Variants in PCDHGA4 observed in about 807,000 individuals in gnomAD.
PCDHGA4 encodes protocadherin gamma subfamily A, 4.
In PCDHGA4, 38 loss-of-function variants were observed where a neutral mutation model predicts 54.6. The ratio of observed to expected loss-of-function variants is 0.70; its 90% CI spans 0.54 to 0.91. The LOEUF is 0.91. PCDHGA4 is among the 40% of genes least tolerant of loss of function. The pLI, the probability that PCDHGA4 is intolerant of heterozygous loss-of-function variation, is 0.00. For missense variants in PCDHGA4, 1,298 were observed against 1,220.9 expected (o/e 1.06, Z -0.94); for synonymous variants, 511 against 512.9 (o/e 1.00, Z 0.05).
chr5:141,425,207 G>A lies in PCDHGA4; in HGVS notation c.2514+67586G>A, dbSNP rs546494803. 1.8e-3 allele frequency among the ~76,000 whole-genome samples: 281 copies of A among 152,238 alleles called. 1 individual carries two copies. The highest frequency in any genetic ancestry group is 6.6e-3 in the African/African-American group (274 of 41,534). ...TCCAAACTGAGAAAAATGATGTAAG[G>A]CATTGTACTTTGACTGGAATTAGTT... On this transcript the variant is annotated intron_variant, in intron 1 of 3. Coordinates refer to ENST00000571252, the MANE Select transcript of PCDHGA4 (RefSeq NM_018917.4).
At chr5:141,427,164 C>T (rs1171285271) in intron 1 of PCDHGA4, 1 of 456,682 alleles carries the variant, frequency 2.2e-6, no homozygotes, top group Non-Finnish European at 4.4e-6. Context: ...TGTGCTAGAC[C>T]ATCAAAATGG....
At chr5:141,366,283 G>A (rs1283624984) in intron 1 of PCDHGA4, 10 of 1,613,592 alleles carry the variant, frequency 6.2e-6, no homozygotes, top group Non-Finnish European at 8.5e-6. Context: ...ACCATGGCCA[G>A]CCCCCTCTGT....
chr5:141,384,134 G>T, intron 1 of PCDHGA4: 2 of 1,611,964 alleles, frequency 1.2e-6, no homozygotes, highest in South Asian at 2.2e-5. Context: ...AACTTGGACC[G>T]GGAAACACTC....
At chr5:141,371,550 C>T in intron 1 of PCDHGA4, 1 of 1,613,828 alleles carries the variant, frequency 6.2e-7, no homozygotes, top group South Asian at 1.1e-5. Context: ...CCTATGCCAA[C>T]TAAAAGGAAA....
At position 141,383,035 on chromosome 5, in the gene PCDHGA4, G is replaced by A. The variant is rs550075608; in HGVS notation, c.2514+25414G>A. ...GGAGACGGACAAAGGGTCCTTTGTG[G>A]GAGACATCGCCAAGGACCTGGGGCT... On this transcript the variant is annotated intron_variant, in intron 1 of 3. Coordinates refer to ENST00000571252, the MANE Select transcript of PCDHGA4 (RefSeq NM_018917.4). 3.1e-6 allele frequency: 5 copies of A among 1,613,882 alleles called. No individual in the cohort carries two copies. In the South Asian group the frequency reaches 5.5e-5, roughly 18 times the overall value.
intron 1 of PCDHGA4, chr5:141,387,734 T>C: frequency 7.7e-7 from 1 of 1,302,214 alleles, no homozygotes; most frequent in East Asian, 2.5e-5. Context: ...GCGCCAGCCT[T>C]TACACCGCTT....
chr5:141,372,268 A>T (rs374647960), intron 1 of PCDHGA4: 26 of 1,613,010 alleles, frequency 1.6e-5, no homozygotes, highest in Non-Finnish European at 1.9e-5. Flanking sequence ...CGCACGGGTG[A>T]GGTGCGCACG....
chr5:141,406,331 C>T lies in PCDHGA4; in HGVS notation c.2514+48710C>T, dbSNP rs577134835. 6.6e-5 allele frequency among the ~76,000 whole-genome samples: 10 copies of T among 152,002 alleles called. No homozygotes were observed. In the East Asian group the frequency reaches 1.3e-3, roughly 21 times the overall value. ...CTCACCCAGCAAATTCTTACTCCTA[C>T]GATCATTTATTCAGGTCATACTATG... On this transcript the variant is annotated intron_variant, in intron 1 of 3. Coordinates refer to ENST00000571252, the MANE Select transcript of PCDHGA4 (RefSeq NM_018917.4).
At chr5:141,395,205 C>T (rs770683946) in intron 1 of PCDHGA4, 2 of 1,613,660 alleles carry the variant, frequency 1.2e-6, no homozygotes, top group Non-Finnish European at 1.7e-6. Flanking sequence ...CGTAGATTTT[C>T]ATGAATATAA....
chr5:141,382,125 G>GC (rs1470370841), intron 1 of PCDHGA4, among the ~76,000 whole-genome samples: 4 of 151,872 alleles, frequency 2.6e-5, no homozygotes, highest in Non-Finnish European at 5.9e-5. Flanking sequence ...ACAGCACCTG[G>GC]CCCCCCCTCT....
At chr5:141,382,989 T>C (rs1377336206) in intron 1 of PCDHGA4, 5 of 1,613,356 alleles carry the variant, frequency 3.1e-6, no homozygotes, top group East Asian at 2.2e-5. Context: ...GGGCAGGACG[T>C]ATTCTCTACT....
chr5:141,393,724 C>T (rs959974182), intron 1 of PCDHGA4: 1 of 1,613,570 alleles, frequency 6.2e-7, no homozygotes, highest in Non-Finnish European at 8.5e-7. Context: ...ATATCAATAG[C>T]AAAAAGTCTA....
chr5:141,375,791 G>C (rs374657173), intron 1 of PCDHGA4: 1 of 1,614,232 alleles, frequency 6.2e-7, no homozygotes, highest in Non-Finnish European at 8.5e-7. Flanking sequence ...CCTCCCCACA[G>C]ACGGTTCCAC....
chr5:141,384,021 A>G (rs1779689462), intron 1 of PCDHGA4: 1 of 1,613,720 alleles, frequency 6.2e-7, no homozygotes, highest in African/African-American at 1.3e-5. Context: ...TACAAGACAG[A>G]GATTCTGGAA....
chr5:141,488,450 C>T (rs2154581002), intron 1 of PCDHGA4, among the ~76,000 whole-genome samples: 1 of 152,314 alleles, frequency 6.6e-6, no homozygotes, highest in East Asian at 1.9e-4. Context: ...TCCTGGGTGA[C>T]CTGATTCAGC....
At chr5:141,417,740 C>A (rs2096156298) in intron 1 of PCDHGA4, 3 of 1,413,210 alleles carry the variant, frequency 2.1e-6, no homozygotes, top group East Asian at 2.5e-5. Flanking sequence ...CCCAGCACAC[C>A]AGATTGCCAG....
chr5:141,438,621 TATATATATATATATACACACAC>T (rs2098027070), intron 1 of PCDHGA4, among the ~76,000 whole-genome samples: 1 of 41,368 alleles, frequency 2.4e-5, no homozygotes, highest in Non-Finnish European at 4.0e-5. Flanking sequence ...TATATATATA[TATATATATATATATACACACAC>T]ACACACACAT....
chr5:141,355,198 G>A lies in PCDHGA4; in HGVS notation c.91G>A (p.Val31Ile), dbSNP rs748031143. 1.3e-6 allele frequency: 2 copies of A among 1,596,582 alleles called. No homozygotes were observed. Among genetic ancestry groups the A allele is most frequent in the East Asian group, 2.2e-5 (1 of 44,678 alleles). Residue 31 changes from valine to isoleucine, a missense_variant, in exon 1 of 4, where the codon GTA (valine) becomes ATA (isoleucine). Physicochemically the swap from Val to Ile is conservative, Grantham distance 29. Coordinates refer to ENST00000571252, the MANE Select transcript of PCDHGA4 (RefSeq NM_018917.4). ...PKHRRLRGGV[V>I]MAAPPARPDH... ...GCACAGGCGACTCCGCGGCGGGGTT[G>A]TAATGGCGGCGCCTCCTGCTCGCCC...
At chr5:141,413,729 G>C (rs2095671676) in intron 1 of PCDHGA4, 1 of 1,613,378 alleles carries the variant, frequency 6.2e-7, no homozygotes, top group Non-Finnish European at 8.5e-7. Flanking sequence ...TTCTCCCTAA[G>C]AGTTCAGAGC....
Sources: allele counts gnomAD v4.1 joint callset (sites outside exome capture counted in the v4.1 genomes callset), GRCh38; gene constraint gnomAD v4.1.1; transcripts MANE v1.5; gene names NCBI Gene and HGNC (gene_info 2026-07-23, HGNC 2026-07-21).